ERC1: variants seen among roughly 807,000 people sequenced by gnomAD.
The protein encoded by ERC1 is ELKS/RAB6-interacting/CAST family member 1.
ERC1 carries 56 observed loss-of-function variants against 132.0 expected under a neutral mutation model. The observed-to-expected ratio is 0.42, with a 90% CI of 0.34 to 0.53. The LOEUF is 0.53. Ranked by LOEUF, ERC1 falls within the 20% of genes least tolerant of loss-of-function variation. The pLI, the probability that ERC1 is intolerant of heterozygous loss-of-function variation, is 0.03. For missense variants in ERC1, 1,202 were observed against 1,349.9 expected, an observed-to-expected ratio of 0.89 and a Z score of 1.72; for synonymous variants, 478 against 476.1, an observed-to-expected ratio of 1.00 and a Z score of -0.05.
intron 1 of ERC1, among the ~76,000 whole-genome samples, chr12:1,006,750 T>G (rs940682016): frequency 6.6e-6 from 1 of 152,042 alleles, no homozygotes; most frequent in Admixed American, 6.6e-5. Context: ...CTTGAACTCT[T>G]TGGCCTCAAG....
In ERC1 at chr12:1,444,763, C is replaced by T; in HGVS notation, c.3213+13C>T. ...GACCCGGGGGCAGGTGAGCCTCTCA[C>T]TCAAACTTTGAAAAGAGCCTGTGAA... is the stretch of plus-strand genomic sequence containing the variant. On this transcript the variant is annotated intron_variant, in intron 18 of 18. Coordinates refer to ENST00000360905, the MANE Select transcript of ERC1 (RefSeq NM_178040.4). The T allele has an allele frequency of 1.2e-6, 2 of 1,609,400 alleles. No homozygotes were observed. Among genetic ancestry groups the T allele is most frequent in the Non-Finnish European group, 1.7e-6 (2 of 1,178,818 alleles).
chr12:1,445,283 G>C (rs1008024986), intron 18 of ERC1, among the ~76,000 whole-genome samples: 2 of 142,776 alleles, frequency 1.4e-5, no homozygotes, highest in African/African-American at 5.3e-5. Flanking sequence ...AGGCTGGAGT[G>C]CAATGGTATG....
intron 3 of ERC1, among the ~76,000 whole-genome samples, chr12:1,098,369 CCTGGTGCTCT>C (rs1220082741): frequency 6.6e-6 from 1 of 152,096 alleles, no homozygotes; most frequent in Non-Finnish European, 1.5e-5. Flanking sequence ...TCAAGATCAC[CCTGGTGCTCT>C]CTTGAAAATA....
At chr12:1,440,272 T>G (rs34598688) in intron 17 of ERC1, among the ~76,000 whole-genome samples, 31,708 of 140,136 alleles carry the variant, frequency 0.23, 6,803 homozygotes, top group African/African-American at 0.58. Context: ...TGGTGCCATC[T>G]CGGCTCACTG....
chr12:1,468,286 A>G (rs1280103898), intron 18 of ERC1, among the ~76,000 whole-genome samples: 1 of 152,136 alleles, frequency 6.6e-6, no homozygotes, highest in Non-Finnish European at 1.5e-5. Context: ...AGGCTTCACG[A>G]AAGCAAAAAA....
At chr12:1,098,891 G>A (rs1813746351) in intron 3 of ERC1, among the ~76,000 whole-genome samples, 1 of 152,188 alleles carries the variant, frequency 6.6e-6, no homozygotes. Flanking sequence ...AGACCTGGAG[G>A]TCTGATTTAG....
chr12:1,295,908 T>G (rs1010171015), intron 15 of ERC1, among the ~76,000 whole-genome samples: 24 of 152,014 alleles, frequency 1.6e-4, no homozygotes, highest in African/African-American at 5.1e-4. Flanking sequence ...CATGTTGAAC[T>G]TTTAATTACC....
chr12:1,022,852 A>G (rs1202211543), intron 1 of ERC1, among the ~76,000 whole-genome samples: 3 of 152,090 alleles, frequency 2.0e-5, no homozygotes, highest in Admixed American at 6.6e-5. Context: ...TCCTGACCTC[A>G]AGTGATCCAC....
intron 14 of ERC1, among the ~76,000 whole-genome samples, chr12:1,264,247 A>G (rs2077331620): frequency 6.6e-6 from 1 of 152,330 alleles, no homozygotes; most frequent in South Asian, 2.1e-4. Context: ...TAAGATCTCC[A>G]GACTCTTGCT....
At chr12:1,061,437 A>T (rs1461469054) in intron 2 of ERC1, among the ~76,000 whole-genome samples, 8 of 186 alleles carry the variant, frequency 0.043, no homozygotes, top group African/African-American at 0.054. Context: ...CTCTACTATA[A>T]AAAAAAAAAA....
At chr12:1,310,455 T>TGC (rs2081227397) in intron 15 of ERC1, among the ~76,000 whole-genome samples, 1 of 152,138 alleles carries the variant, frequency 6.6e-6, no homozygotes, top group Non-Finnish European at 1.5e-5. Context: ...GTGATCTGCC[T>TGC]GCCTTGGCCT....
At chr12:1,280,622 T>C (rs1263829448) in intron 14 of ERC1, among the ~76,000 whole-genome samples, 1 of 152,168 alleles carries the variant, frequency 6.6e-6, no homozygotes, top group African/African-American at 2.4e-5. Flanking sequence ...CCACCTCACA[T>C]TGAGATAAGT....
At chr12:1,483,866 G>T (rs1049603291) in intron 18 of ERC1, among the ~76,000 whole-genome samples, 6 of 151,308 alleles carry the variant, frequency 4.0e-5, no homozygotes, top group African/African-American at 1.5e-4. Context: ...GATTTTTTTT[G>T]TATGTTTAGT....
chr12:1,370,329 G>T (rs2087080510), intron 15 of ERC1, among the ~76,000 whole-genome samples: 1 of 152,172 alleles, frequency 6.6e-6, no homozygotes, highest in African/African-American at 2.4e-5. Flanking sequence ...AATCTGTAAA[G>T]TTTAAATTAC....
At chr12:1,486,738 C>T (rs60912810) in intron 18 of ERC1, among the ~76,000 whole-genome samples, 6,511 of 141,164 alleles carry the variant, frequency 0.046, 190 homozygotes, top group African/African-American at 0.1. Flanking sequence ...AAATCACTCC[C>T]GGCTGTGAAG....
chr12:1,462,392 C>T (rs1029877939), intron 18 of ERC1, among the ~76,000 whole-genome samples: 3 of 152,156 alleles, frequency 2.0e-5, no homozygotes, highest in Admixed American at 6.5e-5. Flanking sequence ...TTCATAGCAG[C>T]TTTACTGGAA....
chr12:1,008,951 C>T (rs994487012), intron 1 of ERC1, among the ~76,000 whole-genome samples: 2 of 152,086 alleles, frequency 1.3e-5, no homozygotes, highest in Non-Finnish European at 2.9e-5. Flanking sequence ...TCTGGAATAA[C>T]TGCTCACTGG....
At chr12:1,155,981 T>C (rs1344727441) in intron 8 of ERC1, among the ~76,000 whole-genome samples, 1 of 152,122 alleles carries the variant, frequency 6.6e-6, no homozygotes, top group Admixed American at 6.5e-5. Flanking sequence ...TAACTGTTGT[T>C]AACAGTTCTT....
intron 8 of ERC1, among the ~76,000 whole-genome samples, chr12:1,169,188 T>A (rs1344113169): frequency 6.6e-6 from 1 of 151,690 alleles, no homozygotes; most frequent in Non-Finnish European, 1.5e-5. Context: ...CTGTTGGGTA[T>A]GGTGGATGCT....
Sources: allele counts gnomAD v4.1 joint callset (sites outside exome capture counted in the v4.1 genomes callset), GRCh38; gene constraint gnomAD v4.1.1; transcripts MANE v1.5; gene names NCBI Gene and HGNC (gene_info 2026-07-23, HGNC 2026-07-21).